ACSS3: variants seen among roughly 807,000 people sequenced by gnomAD.
ACSS3 encodes the protein acyl-CoA synthetase short chain family member 3.
In ACSS3, 64 loss-of-function variants were observed where a neutral mutation model predicts 84.2. The ratio of observed to expected loss-of-function variants is 0.76; its 90% confidence interval spans 0.62 to 0.94. The LOEUF (loss-of-function observed/expected upper bound fraction) is 0.94. Ranked by LOEUF, ACSS3 falls within the 40% of genes least tolerant of loss-of-function variation. The probability of loss-of-function intolerance (pLI) is 0.00; values close to 1 mark genes in which losing one functional copy is unlikely to be tolerated. For missense variants in ACSS3, 815 were observed against 867.6 expected, an observed-to-expected ratio of 0.94 and a Z score of 0.76; for synonymous variants, 317 against 310.1, an observed-to-expected ratio of 1.02 and a Z score of -0.23.
chr12:81,221,802 G>T (rs1403024740), intron 11 of ACSS3, among the ~76,000 whole-genome samples: 1 of 152,148 alleles, frequency 6.6e-6, no homozygotes. Context: ...TGGATGTTTG[G>T]CTTGCTTAGG....
intron 3 of ACSS3, among the ~76,000 whole-genome samples, chr12:81,138,660 G>GA (rs148340530): frequency 3.3e-5 from 5 of 152,086 alleles, no homozygotes; most frequent in Non-Finnish European, 5.9e-5. Context: ...TTTAGAATGA[G>GA]AAAAAATTAT....
Position 81,143,092 on chromosome 12 carries a change from A to T in ACSS3, c.781-15A>T, listed in dbSNP as rs766681140. On this transcript the variant is annotated splice_polypyrimidine_tract_variant and intron_variant, in intron 4 of 15. Coordinates refer to ENST00000548058, the MANE Select transcript of ACSS3 (RefSeq NM_024560.4). ...TCCTTATTACAGTACATATTCTTATATTTTTGCTGTGTAGGAGGCGGTTCC... is the reference window on the plus strand; with the variant it reads ...TCCTTATTACAGTACATATTCTTATTTTTTTGCTGTGTAGGAGGCGGTTCC... 2.5e-6 allele frequency: 4 copies of T among 1,606,578 alleles called. No individual in the cohort carries two copies. In the East Asian group the frequency reaches 6.7e-5, roughly 27 times the overall value.
chr12:81,115,231 A>G (rs185213143), intron 2 of ACSS3, among the ~76,000 whole-genome samples: 9 of 152,284 alleles, frequency 5.9e-5, no homozygotes, highest in African/African-American at 1.7e-4. Context: ...CCCACGTTGG[A>G]CATGAGTAGA....
intron 5 of ACSS3, among the ~76,000 whole-genome samples, chr12:81,147,182 CA>C (rs1462757693): frequency 1.3e-5 from 2 of 152,118 alleles, no homozygotes; most frequent in Non-Finnish European, 2.9e-5. Flanking sequence ...GCTTCAGAAT[CA>C]TCTGAAAACC....
chr12:81,135,605 T>A (rs1885759963), intron 3 of ACSS3, among the ~76,000 whole-genome samples: 1 of 151,654 alleles, frequency 6.6e-6, no homozygotes, highest in Admixed American at 6.6e-5. Context: ...ATACTTCATG[T>A]TCTCACTGTT....
chr12:81,129,776 TC>T (rs1885366290), intron 2 of ACSS3, among the ~76,000 whole-genome samples: 2 of 93,450 alleles, frequency 2.1e-5, no homozygotes, highest in South Asian at 4.5e-4. Flanking sequence ...CCCTCTCCCC[TC>T]CCCCCACCCC....
intron 1 of ACSS3, among the ~76,000 whole-genome samples, chr12:81,085,189 A>G (rs1881233303): frequency 6.6e-6 from 1 of 152,182 alleles, no homozygotes; most frequent in African/African-American, 2.4e-5. Flanking sequence ...GTGGTTTCTT[A>G]TGTTAATTTT....
chr12:81,243,875 A>T (rs370885230), intron 13 of ACSS3, among the ~76,000 whole-genome samples: 1 of 152,168 alleles, frequency 6.6e-6, no homozygotes, highest in South Asian at 2.1e-4. Flanking sequence ...TGTGAGGTAA[A>T]TTGAGAACAA....
chr12:81,239,276 A>T (rs1216567840), intron 13 of ACSS3, among the ~76,000 whole-genome samples: 1 of 151,938 alleles, frequency 6.6e-6, no homozygotes, highest in Non-Finnish European at 1.5e-5. Context: ...CCCAAAATGT[A>T]GTCTGTCTTG....
intron 4 of ACSS3, among the ~76,000 whole-genome samples, chr12:81,140,618 A>G (rs1886047475): frequency 1.3e-5 from 2 of 152,184 alleles, no homozygotes; most frequent in Admixed American, 6.5e-5. Context: ...GCACTTAATG[A>G]TTTTAATGTT....
At chr12:81,164,648 A>G (rs1001389252) in intron 7 of ACSS3, among the ~76,000 whole-genome samples, 2 of 152,096 alleles carry the variant, frequency 1.3e-5, no homozygotes, top group Non-Finnish European at 2.9e-5. Flanking sequence ...TGTATCTGTA[A>G]TCTCCACTAA....
chr12:81,144,349 ATTTG>A (rs1886226134), intron 5 of ACSS3, among the ~76,000 whole-genome samples: 1 of 152,192 alleles, frequency 6.6e-6, no homozygotes, highest in African/African-American at 2.4e-5. Context: ...ACATGAAGAT[ATTTG>A]TTTCATTGTA....
Position 81,148,009 on chromosome 12 carries a change from AAT to A in ACSS3, c.922-3822_922-3821del, listed in dbSNP as rs35810499. Among the ~76,000 whole-genome samples, 60 of 150,990 alleles carry A rather than the reference AAT, an allele frequency of 4.0e-4. 1 individual carries two copies. The highest frequency in any genetic ancestry group is 6.8e-3 in the Middle Eastern group (2 of 292). ...TGTGAATAGACATTTTACATATGTAAATATATATATATATTTGCCTTGTATGA... is the reference window on the plus strand; with the variant it reads ...TGTGAATAGACATTTTACATATGTAAATATATATATATTTGCCTTGTATGA... On this transcript the variant is annotated intron_variant, in intron 5 of 15. Coordinates refer to ENST00000548058, the MANE Select transcript of ACSS3 (RefSeq NM_024560.4).
At chr12:81,201,583 T>C (rs990459364) in intron 9 of ACSS3, among the ~76,000 whole-genome samples, 2 of 152,200 alleles carry the variant, frequency 1.3e-5, no homozygotes, top group Admixed American at 6.5e-5. Context: ...CCATGAGAAT[T>C]TGCAATTTTT....
chr12:81,225,849 G>A (rs914307275), intron 11 of ACSS3, among the ~76,000 whole-genome samples: 8 of 151,860 alleles, frequency 5.3e-5, no homozygotes, highest in Non-Finnish European at 8.8e-5. Context: ...TTGTGTTAAC[G>A]CATAAATAAA....
At position 81,218,300 on chromosome 12, in the gene ACSS3, C is replaced by T. The variant is rs187016276; in HGVS notation, c.1450+1304C>T. Among the ~76,000 whole-genome samples, 334 of 152,228 alleles carry T rather than the reference C, an allele frequency of 2.2e-3. 1 individual carries two copies. Among genetic ancestry groups the T allele is most frequent in the African/African-American group, 7.8e-3 (325 of 41,552 alleles). On this transcript the variant is annotated intron_variant, in intron 10 of 15. Transcript: ENST00000548058. ...GTTTTGTAATTTGCTTAAGGTCACA[C>T]AATTTGGCTTAGTAGACCTATGAAG...
intron 8 of ACSS3, among the ~76,000 whole-genome samples, chr12:81,186,005 C>T (rs1469552177): frequency 6.6e-6 from 1 of 151,730 alleles, no homozygotes; most frequent in Admixed American, 6.6e-5. Context: ...GGCATAAAAA[C>T]ATAAACATAG....
At chr12:81,128,949 C>A (rs1370891622) in intron 2 of ACSS3, among the ~76,000 whole-genome samples, 1 of 152,124 alleles carries the variant, frequency 6.6e-6, no homozygotes, top group Non-Finnish European at 1.5e-5. Flanking sequence ...TTTAGATTTA[C>A]AAATTATAAT....
At chr12:81,134,173 C>T (rs963673332) in intron 2 of ACSS3, among the ~76,000 whole-genome samples, 1 of 151,948 alleles carries the variant, frequency 6.6e-6, no homozygotes, top group African/African-American at 2.4e-5. Context: ...GTAGAAAGAG[C>T]AAAGAATATG....
Sources: gnomAD v4.1 joint callset for allele counts (sites outside exome capture counted in the v4.1 genomes callset) on GRCh38, gnomAD v4.1.1 for gene constraint, MANE v1.5 for transcripts, NCBI Gene and HGNC (gene_info 2026-07-23, HGNC 2026-07-21) for gene names.